LUZP1: variants seen among roughly 807,000 people sequenced by gnomAD.
LUZP1 encodes leucine zipper protein 1.
A neutral mutation model predicts 71.3 loss-of-function variants in LUZP1; 25 were observed. The ratio of observed to expected loss-of-function variants is 0.35; its 90% CI spans 0.26 to 0.49. The LOEUF is 0.49. LUZP1 is among the 20% of genes least tolerant of loss of function. The pLI, the probability that LUZP1 is intolerant of heterozygous loss-of-function variation, is 0.99. For missense variants in LUZP1, 1,142 were observed against 1,300.8 expected (o/e 0.88, Z 1.88); for synonymous variants, 481 against 506.4 (o/e 0.95, Z 0.67).
At chr1:23,146,093 C>T (rs1644340689) in intron 2 of LUZP1, among the ~76,000 whole-genome samples, 3 of 152,002 alleles carry the variant, frequency 2.0e-5, no homozygotes, top group Non-Finnish European at 2.9e-5. Flanking sequence ...TGCAGTGGTG[C>T]GATCTCGGCT....
At chr1:23,168,854 G>T in exon 2 of LUZP1, 1 of 152,564 alleles carries the variant, frequency 6.6e-6, no homozygotes, top group South Asian at 2.0e-4. Flanking sequence ...CCGCGGGACT[G>T]ACAATGAGGG....
At chr1:23,129,943 T>C (rs1644201126) in intron 2 of LUZP1, among the ~76,000 whole-genome samples, 1 of 152,176 alleles carries the variant, frequency 6.6e-6, no homozygotes, top group Non-Finnish European at 1.5e-5. Context: ...AGATTTAGAA[T>C]ACAGGTGACT....
At chr1:23,139,019 A>AAAAAAAAAAAAAAAT (rs1317355746) in intron 2 of LUZP1, among the ~76,000 whole-genome samples, 6 of 59,958 alleles carry the variant, frequency 1.0e-4, no homozygotes, top group African/African-American at 3.7e-4. Context: ...AAAAAAAAAA[A>AAAAAAAAAAAAAAAT]ATATATATAT....
chr1:23,094,103 C>G lies in LUZP1; in HGVS notation c.159G>C (p.Gln53His). 1.9e-6 allele frequency: 3 copies of G among 1,614,212 alleles called. No individual in the cohort carries two copies. The highest frequency in any genetic ancestry group is 2.5e-6 in the Non-Finnish European group (3 of 1,180,034). The change falls in exon 4 of 5, where the codon CAG becomes CAC. Residue 53 changes from glutamine to histidine, a missense_variant. Transcript: ENST00000302291. The surrounding 1 kb of genome is among the most constrained non-coding windows in gnomAD (Gnocchi z 4.7). ...ACATGCTGGAGTTGCTACCTTCTGC[C>G]TGAATCACCTTGTCCTGGAGATCCA... is the stretch of plus-strand genomic sequence containing the variant.
At chr1:23,135,526 T>C (rs962302014) in intron 2 of LUZP1, among the ~76,000 whole-genome samples, 5 of 152,128 alleles carry the variant, frequency 3.3e-5, no homozygotes, top group African/African-American at 1.2e-4. Flanking sequence ...AAAAACCACA[T>C]TAATATGAAC....
chr1:23,157,242 G>A (rs1202303474), intron 2 of LUZP1, among the ~76,000 whole-genome samples: 1 of 152,190 alleles, frequency 6.6e-6, no homozygotes, highest in South Asian at 2.1e-4. Context: ...TAAAGTGAGA[G>A]GACTGCTAGG....
At chr1:23,171,656 A>G (rs1352798906) in intron 1 of LUZP1, among the ~76,000 whole-genome samples, 1 of 152,222 alleles carries the variant, frequency 6.6e-6, no homozygotes, top group Non-Finnish European at 1.5e-5. Flanking sequence ...GTGTCCTGAA[A>G]TGCCTGGCCC....
At chr1:23,127,854 C>T (rs1644184261) in intron 2 of LUZP1, among the ~76,000 whole-genome samples, 2 of 150,028 alleles carry the variant, frequency 1.3e-5, no homozygotes, top group East Asian at 2.1e-4. Context: ...AAAAAGTGGC[C>T]GGGCGTGGTG....
intron 2 of LUZP1, among the ~76,000 whole-genome samples, chr1:23,136,680 G>A (rs543879123): frequency 2.0e-5 from 3 of 152,150 alleles, no homozygotes; most frequent in Non-Finnish European, 2.9e-5. Flanking sequence ...AGGCCGAGGC[G>A]GGTGGATCAC....
chr1:23,154,706 C>A (rs1412327762), intron 2 of LUZP1, among the ~76,000 whole-genome samples: 7 of 103,664 alleles, frequency 6.8e-5, no homozygotes, highest in Non-Finnish European at 1.3e-4. Context: ...CCACACCTGG[C>A]TAATTTTTTT....
At chr1:23,149,079 TAAAAAAAAA>T (rs58910170) in intron 2 of LUZP1, among the ~76,000 whole-genome samples, 10 of 37,408 alleles carry the variant, frequency 2.7e-4, no homozygotes, top group South Asian at 1.2e-3. Flanking sequence ...ACACCTTGCC[TAAAAAAAAA>T]AAAAAAAAAA....
intron 2 of LUZP1, among the ~76,000 whole-genome samples, chr1:23,146,615 T>C (rs534112141): frequency 7.9e-5 from 12 of 151,656 alleles, no homozygotes; most frequent in African/African-American, 2.9e-4. Context: ...CTGGGCAACA[T>C]GGCAAAACCC....
chr1:23,120,232 G>A (rs927971758), intron 2 of LUZP1, among the ~76,000 whole-genome samples: 4 of 150,670 alleles, frequency 2.7e-5, no homozygotes, highest in Admixed American at 2.6e-4. Flanking sequence ...CATGAGACAC[G>A]GCACCAGCCT....
At chr1:23,118,574 G>A (rs751398739) in intron 2 of LUZP1, among the ~76,000 whole-genome samples, 26 of 152,244 alleles carry the variant, frequency 1.7e-4, no homozygotes, top group Non-Finnish European at 2.9e-4. Context: ...CCAAACAGAA[G>A]AATGTATGTG....
At chr1:23,166,378 G>A (rs1403246849) in intron 2 of LUZP1, among the ~76,000 whole-genome samples, 2 of 152,096 alleles carry the variant, frequency 1.3e-5, no homozygotes, top group Admixed American at 6.5e-5. Flanking sequence ...ATGCTGACTG[G>A]GAGCGGTGGC....
chr1:23,176,332 GGGA>G (rs1644582501), intron 1 of LUZP1, among the ~76,000 whole-genome samples: 1 of 152,114 alleles, frequency 6.6e-6, no homozygotes, highest in Non-Finnish European at 1.5e-5. Flanking sequence ...CAAAAGTGCT[GGGA>G]TTACAGGTGT....
At chr1:23,111,959 C>G (rs961974366) in intron 2 of LUZP1, among the ~76,000 whole-genome samples, 2 of 152,210 alleles carry the variant, frequency 1.3e-5, no homozygotes, top group African/African-American at 4.8e-5. Flanking sequence ...CTGCTAAAAT[C>G]TACTGTCCCA....
intron 2 of LUZP1, among the ~76,000 whole-genome samples, chr1:23,113,808 A>C (rs1484426364): frequency 1.3e-5 from 2 of 151,860 alleles, no homozygotes; most frequent in Non-Finnish European, 2.9e-5. Context: ...TGAATCCGGG[A>C]GGCAGAGCTT....
At chr1:23,172,617 C>T (rs1413121391) in intron 1 of LUZP1, among the ~76,000 whole-genome samples, 3 of 151,424 alleles carry the variant, frequency 2.0e-5, no homozygotes, top group Non-Finnish European at 4.4e-5. Flanking sequence ...CAGGTTCAAG[C>T]GATTCTCCTG....
Sources: gnomAD v4.1 joint callset for allele counts (sites outside exome capture counted in the v4.1 genomes callset) on GRCh38, gnomAD v4.1.1 for gene constraint, Gnocchi (gnomAD v3.1) non-coding constraint, MANE v1.5 for transcripts, NCBI Gene and HGNC (gene_info 2026-07-23, HGNC 2026-07-21) for gene names.